Variants in RPS6KA2 observed in about 807,000 individuals in gnomAD.
RPS6KA2 encodes ribosomal protein S6 kinase alpha-2.
RPS6KA2 carries 42 observed loss-of-function variants against 91.8 expected under a neutral mutation model. That is an observed-to-expected ratio of 0.46 (90% CI 0.36 to 0.59). The LOEUF (loss-of-function observed/expected upper bound fraction) is 0.59, where lower values mean the gene tolerates loss of function less well. Among genes scored for constraint, RPS6KA2 ranks in the 20% least tolerant of loss-of-function variants. The probability of loss-of-function intolerance (pLI) is 0.00; values close to 1 mark genes in which losing one functional copy is unlikely to be tolerated. For missense variants in RPS6KA2, 798 were observed against 978.5 expected (o/e 0.82, Z 2.46); for synonymous variants, 414 against 393.6 (o/e 1.05, Z -0.61).
intron 2 of RPS6KA2, among the ~76,000 whole-genome samples, chr6:166,640,077 G>A (rs928906986): frequency 2.0e-5 from 3 of 152,200 alleles, no homozygotes; most frequent in African/African-American, 4.8e-5. Flanking sequence ...TGAAGATGGT[G>A]AGGCTCTAGG....
chr6:166,524,405 C>T (rs1228203745), intron 3 of RPS6KA2, among the ~76,000 whole-genome samples: 5 of 152,208 alleles, frequency 3.3e-5, no homozygotes, highest in Non-Finnish European at 7.3e-5. Flanking sequence ...GAATTCCACA[C>T]TGCAAGCCCT....
chr6:166,616,402 G>T (rs1177970428), intron 1 of RPS6KA2, among the ~76,000 whole-genome samples: 1 of 152,028 alleles, frequency 6.6e-6, no homozygotes, highest in African/African-American at 2.4e-5. Context: ...CACCACTAAC[G>T]GGACCCGCCC....
chr6:166,832,139 G>A (rs1019025454), intron 2 of RPS6KA2, among the ~76,000 whole-genome samples: 1 of 152,168 alleles, frequency 6.6e-6, no homozygotes, highest in Non-Finnish European at 1.5e-5. Flanking sequence ...AAGAATATAA[G>A]ATGCGTACCA....
chr6:166,480,514 T>TATATATATAAATAA (rs1554279395), intron 10 of RPS6KA2, among the ~76,000 whole-genome samples: 1 of 110,762 alleles, frequency 9.0e-6, no homozygotes, highest in African/African-American at 3.9e-5. Context: ...TATATATATA[T>TATATATATAAATAA]AATATATTTT....
At chr6:166,663,161 T>C (rs1175533010) in intron 2 of RPS6KA2, among the ~76,000 whole-genome samples, 1 of 152,226 alleles carries the variant, frequency 6.6e-6, no homozygotes, top group Non-Finnish European at 1.5e-5. Flanking sequence ...CTGTCTCTAC[T>C]GCTTCTCTCA....
chr6:166,605,427 T>C (rs4710074), intron 1 of RPS6KA2, among the ~76,000 whole-genome samples: 104,121 of 152,040 alleles, frequency 0.68, 36,761 homozygotes, highest in East Asian at 0.97. Context: ...TTCTGCTTGA[T>C]GCTTAAATGT....
Position 166,493,279 on chromosome 6 carries a change from A to G in RPS6KA2, c.748-2538T>C, listed in dbSNP as rs577942866. 5.0e-4 allele frequency among the ~76,000 whole-genome samples: 76 copies of G among 152,208 alleles called. 1 individual carries two copies. The highest frequency in any genetic ancestry group is 3.8e-3 in the Admixed American group (58 of 15,288). On this transcript the variant is annotated intron_variant, in intron 8 of 20. Coordinates refer to ENST00000265678, the MANE Select transcript of RPS6KA2 (RefSeq NM_021135.6). The surrounding 1 kb of genome is among the most constrained non-coding windows in gnomAD (Gnocchi z 4.7). ...GTGGACTTTGCAGCCTCCACCAGCC[A>G]TGGGGTTCTGCTGCCTTTCCCATCC...
intron 2 of RPS6KA2, among the ~76,000 whole-genome samples, chr6:166,668,710 G>A (rs1788388031): frequency 6.6e-6 from 1 of 152,080 alleles, no homozygotes; most frequent in Non-Finnish European, 1.5e-5. Context: ...CTGGGAAGCA[G>A]GCAAAATAAA....
intron 1 of RPS6KA2, among the ~76,000 whole-genome samples, chr6:166,568,621 G>GGAAA (rs1784578566): frequency 2.4e-4 from 11 of 45,532 alleles, no homozygotes; most frequent in Non-Finnish European, 4.1e-4. Flanking sequence ...CTCCATCTCA[G>GGAAA]AAAAAAAAAA....
intron 3 of RPS6KA2, among the ~76,000 whole-genome samples, chr6:166,521,273 A>G (rs1358243582): frequency 6.6e-6 from 1 of 152,196 alleles, no homozygotes; most frequent in African/African-American, 2.4e-5. Context: ...GGGTCACCCA[A>G]AGCTGTGGGA....
At chr6:166,702,121 A>C (rs759676827) in intron 2 of RPS6KA2, 1 of 1,537,038 alleles carries the variant, frequency 6.5e-7, no homozygotes, top group Non-Finnish European at 9.0e-7. Flanking sequence ...CAGCCCCTGC[A>C]TTTTCTTTAC....
chr6:166,488,751 G>A, intron 10 of RPS6KA2, 82 bp downstream of exon 10: 2 of 1,080,282 alleles, frequency 1.9e-6, no homozygotes, highest in Non-Finnish European at 2.8e-6. Flanking sequence ...CGGAGCAGGA[G>A]GGTGGCCCTC....
At chr6:166,484,567 T>C (rs1012425306) in intron 10 of RPS6KA2, among the ~76,000 whole-genome samples, 2 of 152,214 alleles carry the variant, frequency 1.3e-5, no homozygotes, top group Non-Finnish European at 2.9e-5. Flanking sequence ...CCAGTTCCTT[T>C]TTCTCCTGCA....
intron 6 of RPS6KA2, among the ~76,000 whole-genome samples, chr6:166,501,945 G>A (rs1229248707): frequency 2.0e-5 from 3 of 152,126 alleles, no homozygotes; most frequent in South Asian, 2.1e-4. Context: ...CATTATGCTC[G>A]ATTAAATAAG....
intron 2 of RPS6KA2, among the ~76,000 whole-genome samples, chr6:166,785,050 A>G (rs1241108131): frequency 2.0e-5 from 3 of 152,166 alleles, no homozygotes; most frequent in Non-Finnish European, 4.4e-5. Context: ...CTCTGTATAC[A>G]CGTGTCTGTA....
Position 166,610,068 on chromosome 6 carries a change from T to C in RPS6KA2, c.99+16853A>G, listed in dbSNP as rs182235916. 4.4e-3 allele frequency among the ~76,000 whole-genome samples: 665 copies of C among 152,318 alleles called. 3 individuals carry two copies. Among genetic ancestry groups the C allele is most frequent in the Admixed American group, 8.9e-3 (136 of 15,296 alleles). On this transcript the variant is annotated intron_variant, in intron 1 of 20. Transcript: ENST00000265678. ...CTCATTATATCTCTTGCTATTTAGT[T>C]CAACATGAGATCTTTTACAACCAAA...
chr6:166,718,470 G>A (rs1287088545), intron 2 of RPS6KA2, among the ~76,000 whole-genome samples: 2 of 152,166 alleles, frequency 1.3e-5, no homozygotes, highest in East Asian at 1.9e-4. Context: ...TTCCATGTTC[G>A]TTTGAAGAAA....
At chr6:166,499,792 T>A (rs1357005316) in intron 7 of RPS6KA2, among the ~76,000 whole-genome samples, 1 of 152,088 alleles carries the variant, frequency 6.6e-6, no homozygotes, top group African/African-American at 2.4e-5. Context: ...GAGAACAGAC[T>A]AATACAGGGA....
At chr6:166,479,604 C>CA (rs1467003875) in intron 10 of RPS6KA2, among the ~76,000 whole-genome samples, 2 of 152,262 alleles carry the variant, frequency 1.3e-5, no homozygotes, top group Non-Finnish European at 2.9e-5. Context: ...CGTGTGCTAG[C>CA]ACGTCACAGA....
Sources: gnomAD v4.1 joint callset for allele counts (sites outside exome capture counted in the v4.1 genomes callset) on GRCh38, gnomAD v4.1.1 for gene constraint, Gnocchi (gnomAD v3.1) non-coding constraint, MANE v1.5 for transcripts, NCBI Gene and HGNC (gene_info 2026-07-23, HGNC 2026-07-21) for gene names.